Variants in ZNF346 observed in about 807,000 individuals in gnomAD.
ZNF346 encodes the protein double-stranded RNA-binding zinc finger protein JAZ.
ZNF346 carries 23 observed loss-of-function variants against 33.7 expected under a neutral mutation model. That is an observed-to-expected ratio of 0.68 (90% confidence interval 0.49 to 0.97). ZNF346 has a LOEUF of 0.97. Among genes scored for constraint, ZNF346 ranks in the 50% least tolerant of loss-of-function variants. ZNF346 has a pLI of 0.00. For synonymous variants in ZNF346, 134 were observed against 142.4 expected (o/e 0.94, Z 0.42); for missense variants, 340 against 371.1 (o/e 0.92, Z 0.69).
chr5:177,047,030 T>TTTTATTTATTTA (rs140329566), intron 4 of ZNF346, among the ~76,000 whole-genome samples: 9 of 147,794 alleles, frequency 6.1e-5, no homozygotes, highest in South Asian at 2.1e-4. Flanking sequence ...TTTTATTTAT[T>TTTTATTTATTTA]TTTATTTATT....
intron 2 of ZNF346, 103 bp downstream of exon 2, chr5:177,041,332 C>A: frequency 2.2e-6 from 2 of 893,678 alleles, no homozygotes; most frequent in Non-Finnish European, 1.8e-6. Flanking sequence ...GCTTAGCCAC[C>A]CAGATGTTGC....
downstream of ZNF346, among the ~76,000 whole-genome samples, chr5:177,068,063 C>CCTGTAA (rs1267768239): frequency 6.9e-6 from 1 of 145,518 alleles, no homozygotes; most frequent in Non-Finnish European, 1.5e-5. Context: ...GAATCCAGTT[C>CCTGTAA]TCTAGACTTC....
downstream of ZNF346, among the ~76,000 whole-genome samples, chr5:177,072,055 A>C (rs937644828): frequency 2.0e-5 from 3 of 152,248 alleles, no homozygotes; most frequent in African/African-American, 7.2e-5. Context: ...AAGGTAGACC[A>C]GCCCTGGGAC....
chr5:177,057,463 G>A (rs974651092), intron 5 of ZNF346, among the ~76,000 whole-genome samples: 7 of 150,330 alleles, frequency 4.7e-5, no homozygotes, highest in African/African-American at 7.3e-5. Flanking sequence ...TCAGCCGGGC[G>A]TGGTGGCTCA....
At chr5:177,073,827 G>T (rs1783616617) in intron 8 of ZNF346, among the ~76,000 whole-genome samples, 1 of 136,492 alleles carries the variant, frequency 7.3e-6, no homozygotes, top group Non-Finnish European at 1.5e-5. Flanking sequence ...GCGGGCGGGG[G>T]AGGGGGGGGG....
At chr5:177,062,183 C>T in intron 6 of ZNF346, 32 bp downstream of exon 6, 1 of 1,582,858 alleles carries the variant, frequency 6.3e-7, no homozygotes. Flanking sequence ...TTCTAGGATC[C>T]ATAGCAGGAG....
chr5:177,055,259 A>G (rs927599423), intron 5 of ZNF346, among the ~76,000 whole-genome samples: 1 of 151,610 alleles, frequency 6.6e-6, no homozygotes. Flanking sequence ...GTCTCAAACT[A>G]CTGACCTCAG....
At chr5:177,080,123 C>G (rs1783920654) in exon 9 of ZNF346, 1 of 152,314 alleles carries the variant, frequency 6.6e-6, no homozygotes, top group Non-Finnish European at 1.5e-5. Flanking sequence ...GCTCTAAACT[C>G]TCTGCCTCCA....
chr5:177,027,913 G>A (rs1483172983), intron 1 of ZNF346, among the ~76,000 whole-genome samples: 1 of 151,676 alleles, frequency 6.6e-6, no homozygotes, highest in Admixed American at 6.6e-5. Context: ...AAAGGGTTAG[G>A]ATTATAGGCA....
chr5:177,066,796 C>T lies in ZNF346; in HGVS notation c.*2197C>T, dbSNP rs572097856. Among the ~76,000 whole-genome samples the T allele has an allele frequency of 2.0e-5, 3 of 151,190 alleles. No homozygotes were observed. The South Asian group carries it at 6.3e-4, about 32-fold the overall frequency. ...TTTGAAGGCTGGGCGCCGTGGCTCA[C>T]GCCTGTAATCCAAGCACTTTGAGAG... On this transcript the variant is annotated 3_prime_UTR_variant, in exon 7 of 7. Transcript: ENST00000358149.
intron 4 of ZNF346, among the ~76,000 whole-genome samples, chr5:177,049,902 T>TCTCGGCTCGCTGCAAC (rs1341674533): frequency 6.6e-6 from 1 of 152,086 alleles, no homozygotes; most frequent in Admixed American, 6.6e-5. Context: ...AGTGGCGCAA[T>TCTCGGCTCGCTGCAAC]CTCGGCTCGC....
At chr5:177,047,333 G>GT (rs1048395045) in intron 4 of ZNF346, among the ~76,000 whole-genome samples, 3 of 145,198 alleles carry the variant, frequency 2.1e-5, no homozygotes, top group Non-Finnish European at 3.0e-5. Context: ...TTGTTTGTTT[G>GT]TTTTTTGTTT....
At chr5:177,057,294 C>CA (rs893719534) in intron 5 of ZNF346, among the ~76,000 whole-genome samples, 10 of 144,772 alleles carry the variant, frequency 6.9e-5, no homozygotes, top group African/African-American at 1.5e-4. Flanking sequence ...AACTCTGTCT[C>CA]AAAAAAAAAA....
At chr5:177,046,998 A>T (rs1780127362) in intron 4 of ZNF346, among the ~76,000 whole-genome samples, 1 of 151,370 alleles carries the variant, frequency 6.6e-6, no homozygotes. Flanking sequence ...TATGGATTAC[A>T]CGTGTGGGGT....
At chr5:177,027,259 G>A (rs887939345) in intron 1 of ZNF346, among the ~76,000 whole-genome samples, 1 of 151,818 alleles carries the variant, frequency 6.6e-6, no homozygotes, top group Non-Finnish European at 1.5e-5. Context: ...CACCATGTTG[G>A]TCAGGCTGGT....
chr5:177,029,210 A>T lies in ZNF346; in HGVS notation c.175+6297A>T, dbSNP rs564656295. Among the ~76,000 whole-genome samples, 3 of 152,324 alleles carry T rather than the reference A, an allele frequency of 2.0e-5. No homozygotes were observed. In the South Asian group the frequency reaches 6.2e-4, roughly 32 times the overall value. ...AAGGTTGAATTGATCACCGATAGCC[A>T]GTGATTTAATCAACCATGCCTATGT... On this transcript the variant is annotated intron_variant, in intron 1 of 6. Transcript: ENST00000358149.
intron 6 of ZNF346, 120 bp downstream of exon 6, chr5:177,062,271 A>C (rs1218686972): frequency 1.3e-6 from 1 of 762,684 alleles, no homozygotes; most frequent in African/African-American, 1.7e-5. Flanking sequence ...TTCAGTGAAC[A>C]GAAGATGAAT....
chr5:177,039,219 G>C (rs943379964), intron 1 of ZNF346, among the ~76,000 whole-genome samples: 1 of 151,994 alleles, frequency 6.6e-6, no homozygotes, highest in Non-Finnish European at 1.5e-5. Flanking sequence ...AAAGTTCTGG[G>C]CCAATTTTGT....
intron 5 of ZNF346, among the ~76,000 whole-genome samples, chr5:177,060,349 C>A (rs1005519901): frequency 2.1e-5 from 3 of 145,692 alleles, no homozygotes; most frequent in African/African-American, 7.6e-5. Context: ...GGTGAAACCC[C>A]ATCTCTACTA....
Sources: allele counts gnomAD v4.1 joint callset (sites outside exome capture counted in the v4.1 genomes callset), GRCh38; gene constraint gnomAD v4.1.1; transcripts MANE v1.5; gene names NCBI Gene and HGNC (gene_info 2026-07-23, HGNC 2026-07-21).